PSEN1: variants seen among roughly 807,000 people sequenced by gnomAD.
PSEN1 encodes presenilin 1.
PSEN1 carries 15 observed loss-of-function variants against 53.5 expected under a neutral mutation model. The ratio of observed to expected loss-of-function variants is 0.28; its 90% CI spans 0.19 to 0.43. PSEN1 has a LOEUF of 0.43. PSEN1 is among the 20% of genes least tolerant of loss of function. PSEN1 has a pLI of 1.00. For missense variants in PSEN1, 387 were observed against 571.2 expected (o/e 0.68, Z 3.29); for synonymous variants, 208 against 209.8 (o/e 0.99, Z 0.08).
chr14:73,170,968 G>T lies in PSEN1; in HGVS notation c.259G>T (p.Val87Phe). The T allele has an allele frequency of 6.2e-7, 1 of 1,614,230 alleles. No individual in the cohort carries two copies. Among genetic ancestry groups the T allele is most frequent in the Non-Finnish European group, 8.5e-7 (1 of 1,180,038 alleles). Residue 87 changes from valine (V) to phenylalanine (F), a missense_variant, in exon 4 of 12, where the codon GTC becomes TTC. By Grantham distance (50) the Val-to-Phe change is conservative. This residue lies in a region of PSEN1 where 169 missense variants were observed against 299.7 expected (regional missense o/e 0.56). Coordinates refer to ENST00000324501, the MANE Select transcript of PSEN1 (RefSeq NM_000021.4). ...CGCCAAGCATGTGATCATGCTCTTTGTCCCTGTGACTCTCTGCATGGTGGT... is the reference window on the plus strand; with the variant it reads ...CGCCAAGCATGTGATCATGCTCTTTTTCCCTGTGACTCTCTGCATGGTGGT... ...YGAKHVIMLF[V>F]PVTLCMVVVV...
intron 5 of PSEN1, among the ~76,000 whole-genome samples, chr14:73,182,231 C>T (rs1658679398): frequency 1.3e-5 from 2 of 152,038 alleles, no homozygotes; most frequent in African/African-American, 4.8e-5. Context: ...CACGGTGACT[C>T]TCACCAGTAT....
intron 3 of PSEN1, among the ~76,000 whole-genome samples, chr14:73,158,023 T>C (rs1322359722): frequency 6.6e-6 from 1 of 152,164 alleles, no homozygotes; most frequent in Admixed American, 6.5e-5. Flanking sequence ...GTCTGGCTTC[T>C]TTCTTTCAGC....
At chr14:73,186,782 A>G in intron 5 of PSEN1, 71 bp from the exon 6 acceptor site, 2 of 1,349,622 alleles carry the variant, frequency 1.5e-6, no homozygotes, top group Non-Finnish European at 2.1e-6. Flanking sequence ...GTCTCAAAAA[A>G]GAAAAAAAAA....
chr14:73,154,468 G>C (rs1210939259), intron 3 of PSEN1, among the ~76,000 whole-genome samples: 1 of 151,814 alleles, frequency 6.6e-6, no homozygotes, highest in Non-Finnish European at 1.5e-5. Context: ...GGGTGTGGTA[G>C]TGTGCTTCTA....
intron 10 of PSEN1, among the ~76,000 whole-genome samples, chr14:73,213,091 T>C (rs1899767314): frequency 6.6e-6 from 1 of 152,194 alleles, no homozygotes; most frequent in African/African-American, 2.4e-5. Context: ...ACTTTACTGC[T>C]TGGCTGAGTT....
Position 73,148,044 on chromosome 14 carries a change from T to C in PSEN1, c.25T>C (p.Ser9Pro). 1.9e-6 allele frequency: 3 copies of C among 1,614,018 alleles called. No homozygotes were observed. The highest frequency in any genetic ancestry group is 1.7e-6 in the Non-Finnish European group (2 of 1,179,850). Residue 9 changes from serine (S) to proline (P), a missense_variant, in exon 3 of 12, where the codon TCC becomes CCC. By Grantham distance (74) the Ser-to-Pro change is moderately conservative. This residue lies in a region of PSEN1 where 99 missense variants were observed against 101.5 expected (regional missense o/e 0.98). Transcript: ENST00000324501. ...AATGACAGAGTTACCTGCACCGTTG[T>C]CCTACTTCCAGAATGCACAGATGTC... MTELPAPLSYFQNAQMSED... is the reference protein window; with the variant it reads MTELPAPLPYFQNAQMSED...
intron 5 of PSEN1, among the ~76,000 whole-genome samples, chr14:73,179,001 C>A (rs1419426140): frequency 6.6e-6 from 1 of 152,130 alleles, no homozygotes; most frequent in African/African-American, 2.4e-5. Flanking sequence ...TACTCACTCA[C>A]CTTGGGAATG....
upstream of PSEN1, chr14:73,136,423 C>T (rs1800839): frequency 0.056 from 8,569 of 152,976 alleles, 324 homozygotes; most frequent in Non-Finnish European, 0.089. Flanking sequence ...CCGCCAACGA[C>T]GCCAGAGCCG....
At chr14:73,206,557 C>A in intron 9 of PSEN1, 85 bp downstream of exon 9, 1 of 930,692 alleles carries the variant, frequency 1.1e-6, no homozygotes, top group Non-Finnish European at 1.7e-6. Flanking sequence ...TATCGTCTTT[C>A]TTTGGTCATA....
At chr14:73,151,302 A>C (rs930741733) in intron 3 of PSEN1, among the ~76,000 whole-genome samples, 4 of 152,220 alleles carry the variant, frequency 2.6e-5, no homozygotes, top group Admixed American at 6.5e-5. Context: ...ACAGTGCTGC[A>C]GTGACATACT....
At position 73,217,010 on chromosome 14, in the gene PSEN1, C is replaced by A. The variant is rs111657154; in HGVS notation, c.1130-116C>A. ...ACAGCTGAAGCCTAATTTTGTATAT[C>A]ATTTACTGACTTCTCTCATTCATTG... On this transcript the variant is annotated intron_variant, in intron 10 of 11. Coordinates refer to ENST00000324501, the MANE Select transcript of PSEN1 (RefSeq NM_000021.4). 6.4e-5 allele frequency: 74 copies of A among 1,160,724 alleles called. No homozygotes were observed. In the African/African-American group the frequency reaches 8.7e-4, roughly 14 times the overall value. The allele number at this position is 1,160,724 out of a possible 1,614,324, so 71.9% of individuals were successfully genotyped here.
intron 1 of PSEN1, chr14:73,147,465 G>A (rs1897104709): frequency 6.0e-6 from 1 of 165,658 alleles, no homozygotes; most frequent in Non-Finnish European, 1.3e-5. Flanking sequence ...CTAGACAAAT[G>A]ATTTTATGAA....
At chr14:73,199,718 G>T (rs1899102227) in intron 8 of PSEN1, among the ~76,000 whole-genome samples, 1 of 152,174 alleles carries the variant, frequency 6.6e-6, no homozygotes, top group South Asian at 2.1e-4. Context: ...TAATATGAAA[G>T]TATCAATTTC....
chr14:73,214,754 AG>A (rs1303353892), intron 10 of PSEN1, among the ~76,000 whole-genome samples: 1 of 152,180 alleles, frequency 6.6e-6, no homozygotes, highest in African/African-American at 2.4e-5. Context: ...GTCAGAAAGT[AG>A]ACTGGTGGTT....
chr14:73,165,606 G>A (rs753641146), intron 3 of PSEN1, among the ~76,000 whole-genome samples: 13 of 151,458 alleles, frequency 8.6e-5, no homozygotes, highest in Non-Finnish European at 1.8e-4. Context: ...AAATTAGCCA[G>A]GCATGGTGGC....
At chr14:73,151,263 T>A (rs908628447) in intron 3 of PSEN1, among the ~76,000 whole-genome samples, 2 of 152,224 alleles carry the variant, frequency 1.3e-5, no homozygotes, top group African/African-American at 4.8e-5. Flanking sequence ...TACAAACATT[T>A]GGTAGGTTCC....
intron 5 of PSEN1, among the ~76,000 whole-genome samples, chr14:73,179,382 C>T (rs1195288725): frequency 6.6e-6 from 1 of 152,126 alleles, no homozygotes; most frequent in East Asian, 1.9e-4. Context: ...TTTGGGAGGC[C>T]AAGGCGGGCA....
chr14:73,211,917 C>T lies in PSEN1; in HGVS notation c.1104C>T (p.Ile368=). The T allele has an allele frequency of 1.2e-6, 2 of 1,613,846 alleles. No homozygotes were observed. The highest frequency in any genetic ancestry group is 1.7e-6 in the Non-Finnish European group (2 of 1,179,966). Residue 368 remains isoleucine (I), a synonymous_variant, in exon 10 of 12, where the codon ATC becomes ATT. Transcript: ENST00000324501. ...RAAVQELSSS[I]LAGEDPEERG... ...CTGTCCAGGAACTTTCCAGCAGTAT[C>T]CTCGCTGGTGAAGACCCAGAGGAAA... is the stretch of plus-strand genomic sequence containing the variant.
chr14:73,138,727 G>A (rs1896822065), intron 1 of PSEN1, among the ~76,000 whole-genome samples: 1 of 150,212 alleles, frequency 6.7e-6, no homozygotes, highest in Non-Finnish European at 1.5e-5. Context: ...TTGGGAGGCC[G>A]TGGCGGGCGG....
Sources: allele counts gnomAD v4.1 joint callset (sites outside exome capture counted in the v4.1 genomes callset), GRCh38; gene constraint gnomAD v4.1.1; regional missense constraint gnomAD v4.1.1; transcripts MANE v1.5; gene names NCBI Gene and HGNC (gene_info 2026-07-23, HGNC 2026-07-21).